Variants in SLC2A14 observed in about 807,000 individuals in gnomAD.
SLC2A14 encodes solute carrier family 2, facilitated glucose transporter member 14.
A neutral mutation model predicts 43.0 loss-of-function variants in SLC2A14; 13 were observed. The observed-to-expected ratio is 0.30, with a 90% confidence interval of 0.20 to 0.48. The LOEUF (loss-of-function observed/expected upper bound fraction) is 0.48, where lower values mean the gene tolerates loss of function less well. SLC2A14 is among the 20% of genes least tolerant of loss of function. The probability of loss-of-function intolerance (pLI) is 0.99; values close to 1 mark genes in which losing one functional copy is unlikely to be tolerated. For synonymous variants in SLC2A14, 190 were observed against 233.8 expected (o/e 0.81, Z 1.71); for missense variants, 428 against 620.4 (o/e 0.69, Z 3.29).
chr12:7,830,215 C>T (rs1249666636), intron 4 of SLC2A14, among the ~76,000 whole-genome samples: 8 of 150,610 alleles, frequency 5.3e-5, no homozygotes, highest in African/African-American at 1.7e-4. Flanking sequence ...TGCAGTGGCG[C>T]GATCTCCGCT....
chr12:7,837,165 T>C (rs1419402421), intron 2 of SLC2A14, among the ~76,000 whole-genome samples: 1 of 144,204 alleles, frequency 6.9e-6, no homozygotes, highest in African/African-American at 2.6e-5. Context: ...AGACTCCATC[T>C]CAAAAAAAAA....
chr12:7,839,775 A>C (rs1304683767), intron 2 of SLC2A14: 1 of 452,724 alleles, frequency 2.2e-6, no homozygotes, highest in Admixed American at 2.4e-5. Flanking sequence ...TAATACCCAT[A>C]CAGAAGGGGC....
At chr12:7,882,206 G>GGTAAGACCAGAAGCCC (rs1945591527) in intron 1 of SLC2A14, among the ~76,000 whole-genome samples, 1 of 151,822 alleles carries the variant, frequency 6.6e-6, no homozygotes, top group Non-Finnish European at 1.5e-5. Flanking sequence ...TTTTGAAGCC[G>GGTAAGACCAGAAGCCC]GTAAGACCAG....
chr12:7,862,803 A>G (rs1944657283), intron 2 of SLC2A14, among the ~76,000 whole-genome samples: 1 of 152,110 alleles, frequency 6.6e-6, no homozygotes, highest in South Asian at 2.1e-4. Flanking sequence ...GACACTCTTT[A>G]TCTAGCTGCT....
At chr12:7,884,136 G>A (rs1324230475) in intron 1 of SLC2A14, among the ~76,000 whole-genome samples, 1 of 151,382 alleles carries the variant, frequency 6.6e-6, no homozygotes, top group Non-Finnish European at 1.5e-5. Context: ...TGTTAGCCAG[G>A]ATGGTCTTGA....
intron 9 of SLC2A14, among the ~76,000 whole-genome samples, chr12:7,818,368 G>A (rs1380844287): frequency 6.6e-6 from 1 of 152,076 alleles, no homozygotes; most frequent in African/African-American, 2.4e-5. Flanking sequence ...AAAGGTTTTC[G>A]TTGTTTTTTT....
upstream of SLC2A14, among the ~76,000 whole-genome samples, chr12:7,877,656 C>T (rs747055519): frequency 6.6e-6 from 1 of 152,044 alleles, no homozygotes; most frequent in South Asian, 2.1e-4. Flanking sequence ...AATTCTTGAC[C>T]TCGGGTGATC....
Position 7,830,019 on chromosome 12 carries a change from T to C in SLC2A14, c.273-13A>G, listed in dbSNP as rs368399688. 1 of 1,613,886 alleles carries C rather than the reference T, an allele frequency of 6.2e-7. No homozygotes were observed. The highest frequency in any genetic ancestry group is 1.3e-5 in the African/African-American group (1 of 75,058). On this transcript the variant is annotated splice_polypyrimidine_tract_variant and intron_variant, in intron 4 of 10. Transcript: ENST00000431042. ...CATTGAATTGCGCCTGTAAGGTTAA[T>C]CAAAGACAACATGGAATTAGCAAAG... is the stretch of plus-strand genomic sequence containing the variant.
intron 2 of SLC2A14, among the ~76,000 whole-genome samples, chr12:7,867,280 CAAAAA>C (rs755003596): frequency 1.4e-5 from 1 of 71,150 alleles, no homozygotes; most frequent in South Asian, 4.7e-4. Context: ...GACTCCGTCT[CAAAAA>C]AAAAAAAAAA....
chr12:7,876,440 C>T (rs931958083), upstream of SLC2A14, among the ~76,000 whole-genome samples: 2 of 152,030 alleles, frequency 1.3e-5, no homozygotes, highest in African/African-American at 4.8e-5. Flanking sequence ...TTCCCAGCCA[C>T]CCAAATCAAG....
intron 2 of SLC2A14, among the ~76,000 whole-genome samples, chr12:7,850,418 C>A (rs1037962653): frequency 1.3e-5 from 2 of 151,922 alleles, no homozygotes; most frequent in Admixed American, 1.3e-4. Context: ...TTTTTTGAGA[C>A]GGAGTCTCGC....
intron 1 of SLC2A14, among the ~76,000 whole-genome samples, chr12:7,888,417 CAG>C (rs1945721740): frequency 6.6e-6 from 1 of 152,140 alleles, no homozygotes; most frequent in African/African-American, 2.4e-5. Context: ...TGGTGGAAAA[CAG>C]AAGCATGCAA....
At chr12:7,871,737 G>A (rs1945245799) in intron 1 of SLC2A14, 1 of 207,924 alleles carries the variant, frequency 4.8e-6, no homozygotes, top group Admixed American at 6.5e-5. Flanking sequence ...CCAGGAGGAA[G>A]GGACCCTTAG....
chr12:7,872,947 T>G (rs1945322249), upstream of SLC2A14: 1 of 985,376 alleles, frequency 1.0e-6, no homozygotes. Context: ...CGACTTTGAA[T>G]GGTCCGTTAA....
Position 7,857,023 on chromosome 12 carries a change from G to A in SLC2A14, c.18+12840C>T, listed in dbSNP as rs535270691. Among the ~76,000 whole-genome samples the A allele has an allele frequency of 2.0e-4, 31 of 151,824 alleles. 1 individual carries two copies. The highest frequency in any genetic ancestry group is 3.5e-4 in the Non-Finnish European group (24 of 67,964). ...TCCCAGCACTTTGGGAGGCCAAGGC[G>A]GGCGGATCACGAGGTCAAGAGATTG... On this transcript the variant is annotated intron_variant, in intron 2 of 10. Coordinates refer to ENST00000431042, the MANE Select transcript of SLC2A14 (RefSeq NM_001286234.2).
chr12:7,869,706 G>A (rs1202457047), intron 2 of SLC2A14, among the ~76,000 whole-genome samples, 157 bp downstream of exon 2: 2 of 152,132 alleles, frequency 1.3e-5, no homozygotes, highest in African/African-American at 4.8e-5. Flanking sequence ...TTTTGGGAAT[G>A]TACCAAGTCT....
Position 7,821,358 on chromosome 12 carries a change from A to G in SLC2A14, c.865-33T>C, listed in dbSNP as rs779836808. 1.3e-5 allele frequency: 21 copies of G among 1,559,156 alleles called. No homozygotes were observed. In the African/African-American group the frequency reaches 2.6e-4, roughly 19 times the overall value. On this transcript the variant is annotated intron_variant, in intron 7 of 10. Transcript: ENST00000431042. ...AAAAGAAAACATGCAGCTTTGATAA[A>G]ATTCTGCACACCACTTACACAGAAC...
At chr12:7,885,792 C>T (rs1215456969) in intron 1 of SLC2A14, among the ~76,000 whole-genome samples, 1 of 151,782 alleles carries the variant, frequency 6.6e-6, no homozygotes, top group Non-Finnish European at 1.5e-5. Context: ...TGATGCTCAT[C>T]GTGGAAAAAG....
At chr12:7,874,166 C>T (rs535122862), upstream of SLC2A14, among the ~76,000 whole-genome samples, 3 of 152,032 alleles carry the variant, frequency 2.0e-5, no homozygotes, top group Non-Finnish European at 2.9e-5. Context: ...GAATGCCAAA[C>T]CTGGGGAATG....
Sources: allele counts gnomAD v4.1 joint callset (sites outside exome capture counted in the v4.1 genomes callset), GRCh38; gene constraint gnomAD v4.1.1; transcripts MANE v1.5; gene names NCBI Gene and HGNC (gene_info 2026-07-23, HGNC 2026-07-21).